The following LRP1B variants were observed in gnomAD, a reference collection of about 807,000 sequenced individuals.
LRP1B encodes LDL receptor related protein 1B, also known as low-density lipoprotein receptor-related protein 1B.
A neutral mutation model predicts 556.6 loss-of-function variants in LRP1B; 217 were observed. The ratio of observed to expected loss-of-function variants is 0.39; its 90% CI spans 0.35 to 0.44. The LOEUF is 0.44. LRP1B is among the 20% of genes least tolerant of loss of function. The pLI is 1.00. For synonymous variants in LRP1B, 2,047 were observed against 1,865.8 expected (o/e 1.10, Z -2.50); for missense variants, 5,053 against 5,620.8 (o/e 0.90, Z 3.23).
intron 2 of LRP1B, among the ~76,000 whole-genome samples, chr2:141,544,337 C>CTTCTTCTTCTTCTTTTCTTCTT (rs1559131158): frequency 1.5e-5 from 1 of 67,172 alleles, no homozygotes; most frequent in African/African-American, 5.7e-5. Flanking sequence ...TCTTCTTCTT[C>CTTCTTCTTCTTCTTTTCTTCTT]TTCTTCTTCT....
At chr2:141,563,366 G>T (rs1466319103) in intron 2 of LRP1B, among the ~76,000 whole-genome samples, 1 of 151,992 alleles carries the variant, frequency 6.6e-6, no homozygotes, top group East Asian at 1.9e-4. Context: ...CCAAAGAAAA[G>T]AGTGTAGAGA....
chr2:141,872,870 T>G (rs10439174), intron 1 of LRP1B, among the ~76,000 whole-genome samples: 26,207 of 151,898 alleles, frequency 0.17, 2,297 homozygotes, highest in South Asian at 0.19. Flanking sequence ...ATGAGCAAAG[T>G]CCTTATTATC....
chr2:141,586,129 C>A (rs1393314285), intron 2 of LRP1B, among the ~76,000 whole-genome samples: 13 of 152,276 alleles, frequency 8.5e-5, no homozygotes, highest in African/African-American at 2.9e-4. Context: ...TTTCAATTCA[C>A]GTCTCTTTTC....
intron 24 of LRP1B, 62 bp from the exon 25 acceptor site, chr2:140,884,083 A>T (rs1693560127): frequency 7.0e-7 from 1 of 1,437,228 alleles, no homozygotes; most frequent in Non-Finnish European, 9.7e-7. Flanking sequence ...CACAAAGGAA[A>T]AGGCCTTTGT....
intron 3 of LRP1B, among the ~76,000 whole-genome samples, chr2:141,446,926 T>A (rs1681215424): frequency 6.6e-6 from 1 of 152,088 alleles, no homozygotes; most frequent in South Asian, 2.1e-4. Context: ...CTTTGTGGTG[T>A]TCTCTATATT....
chr2:140,868,005 G>A (rs1172870547), intron 26 of LRP1B, 94 bp downstream of exon 26: 3 of 1,353,814 alleles, frequency 2.2e-6, no homozygotes, highest in Admixed American at 2.4e-5. Context: ...TTTAATATAT[G>A]TATACATGAT....
At chr2:141,593,874 T>A (rs1385096558) in intron 2 of LRP1B, among the ~76,000 whole-genome samples, 3 of 152,018 alleles carry the variant, frequency 2.0e-5, no homozygotes, top group Non-Finnish European at 4.4e-5. Flanking sequence ...AAACCCTACC[T>A]CCAAAGCCTG....
chr2:141,514,546 A>G (rs565696368), intron 2 of LRP1B, among the ~76,000 whole-genome samples: 32 of 152,312 alleles, frequency 2.1e-4, no homozygotes, highest in African/African-American at 7.7e-4. Flanking sequence ...CTATCGTGGT[A>G]GATATAAGCT....
intron 16 of LRP1B, among the ~76,000 whole-genome samples, chr2:140,992,239 G>GA (rs1310421916): frequency 5.9e-4 from 89 of 151,374 alleles, no homozygotes; most frequent in African/African-American, 1.3e-3. Context: ...TTCTCCAGGG[G>GA]AAAAAAAACA....
rs1181849961 is a variant in LRP1B, at chr2:141,233,567, T to G, written c.593-4127A>C. Among the ~76,000 whole-genome samples, 3 of 152,122 alleles carry G rather than the reference T, an allele frequency of 2.0e-5. No homozygotes were observed. In the East Asian group the frequency reaches 5.8e-4, roughly 29 times the overall value. On this transcript the variant is annotated intron_variant, in intron 5 of 90. Transcript: ENST00000389484. Reference sequence around the variant, plus strand: ...TGACCAGGTTCATAAAAATACCTATTTAAATTCAAAGCCACCATAACTGTG... The same window carrying G: ...TGACCAGGTTCATAAAAATACCTATGTAAATTCAAAGCCACCATAACTGTG...
chr2:140,795,765 A>G (rs1176447994), intron 32 of LRP1B, among the ~76,000 whole-genome samples: 2 of 152,146 alleles, frequency 1.3e-5, no homozygotes, highest in African/African-American at 4.8e-5. Context: ...AGTTCAGTTT[A>G]AGACAATTAA....
chr2:142,071,140 CA>C (rs1705296834), intron 1 of LRP1B, among the ~76,000 whole-genome samples: 1 of 151,790 alleles, frequency 6.6e-6, no homozygotes, highest in Non-Finnish European at 1.5e-5. Flanking sequence ...TTCTTTTCTT[CA>C]AGTACCTGTA....
intron 41 of LRP1B, among the ~76,000 whole-genome samples, chr2:140,619,381 T>C (rs1042776311): frequency 2.6e-5 from 4 of 152,170 alleles, no homozygotes; most frequent in Non-Finnish European, 4.4e-5. Context: ...TGTATGTATA[T>C]GTATATACTT....
At chr2:140,560,850 G>A (rs1207675534) in intron 43 of LRP1B, among the ~76,000 whole-genome samples, 1 of 152,078 alleles carries the variant, frequency 6.6e-6, no homozygotes, top group Non-Finnish European at 1.5e-5. Context: ...AAGGTGTAAA[G>A]GCAATTACAT....
chr2:141,332,421 C>G (rs1465546523), intron 3 of LRP1B, among the ~76,000 whole-genome samples: 1 of 146,870 alleles, frequency 6.8e-6, no homozygotes, highest in African/African-American at 2.5e-5. Context: ...GTCTCACTGA[C>G]AGGGATTGCT....
intron 1 of LRP1B, among the ~76,000 whole-genome samples, chr2:141,879,206 T>C (rs1698873757): frequency 2.0e-5 from 3 of 151,842 alleles, no homozygotes; most frequent in Admixed American, 2.0e-4. Context: ...TATCATATTG[T>C]AAAAATATTT....
chr2:141,638,971 C>G (rs1689206737), intron 2 of LRP1B, among the ~76,000 whole-genome samples: 1 of 66,084 alleles, frequency 1.5e-5, no homozygotes, highest in African/African-American at 5.2e-5. Context: ...ATATATATGG[C>G]TACCTTAGAG....
At chr2:140,778,010 C>T (rs1376835999) in intron 32 of LRP1B, among the ~76,000 whole-genome samples, 1 of 152,072 alleles carries the variant, frequency 6.6e-6, no homozygotes, top group African/African-American at 2.4e-5. Context: ...TACTGCCATG[C>T]ACTCACAGGG....
intron 3 of LRP1B, among the ~76,000 whole-genome samples, chr2:141,257,860 A>G (rs563383060): frequency 6.6e-6 from 1 of 152,346 alleles, no homozygotes; most frequent in South Asian, 2.1e-4. Context: ...AGAGTTATCT[A>G]TTTGAACTGC....
Sources: allele counts gnomAD v4.1 joint callset (sites outside exome capture counted in the v4.1 genomes callset), GRCh38; gene constraint gnomAD v4.1.1; transcripts MANE v1.5; gene names NCBI Gene and HGNC (gene_info 2026-07-23, HGNC 2026-07-21).